PNPT1: variants seen among roughly 807,000 people sequenced by gnomAD.
The protein encoded by PNPT1 is polyribonucleotide nucleotidyltransferase 1, mitochondrial.
A neutral mutation model predicts 119.5 loss-of-function variants in PNPT1; 53 were observed. That is an observed-to-expected ratio of 0.44 (90% confidence interval 0.36 to 0.56). PNPT1 has a LOEUF of 0.56. PNPT1 is among the 20% of genes least tolerant of loss of function. The probability of loss-of-function intolerance (pLI) is 0.00; values close to 1 mark genes in which losing one functional copy is unlikely to be tolerated. For missense variants in PNPT1, 948 were observed against 938.5 expected, an observed-to-expected ratio of 1.01 and a Z score of -0.13; for synonymous variants, 357 against 322.1, an observed-to-expected ratio of 1.11 and a Z score of -1.16.
Position 55,635,289 on chromosome 2 carries a change from A to G in PNPT1, c.*948T>C, listed in dbSNP as rs895120691. The stretch of plus-strand genomic sequence containing the variant: ...TAGAGCAATACACATATTCAAATTG[A>G]CCTAGTTCAATTTGATAAGTAAACA... On this transcript the variant is annotated 3_prime_UTR_variant, in exon 28 of 28. Transcript: ENST00000447944. 6.6e-6 allele frequency: 1 copy of G among 150,388 alleles called. No homozygotes were observed. Among genetic ancestry groups the G allele is most frequent in the Non-Finnish European group, 1.5e-5 (1 of 67,874 alleles). The allele number at this position is 150,388 out of a possible 1,614,324, so 9.3% of individuals were successfully genotyped here.
At chr2:55,692,475 A>G (rs1053804216) in intron 1 of PNPT1, among the ~76,000 whole-genome samples, 8 of 152,192 alleles carry the variant, frequency 5.3e-5, no homozygotes, top group African/African-American at 1.7e-4. Flanking sequence ...TGAAGTTTGC[A>G]TTAGCAATTC....
intron 1 of PNPT1, among the ~76,000 whole-genome samples, chr2:55,688,867 T>C (rs1008463845): frequency 6.6e-6 from 1 of 152,144 alleles, no homozygotes; most frequent in African/African-American, 2.4e-5. Flanking sequence ...GAAAGAACAA[T>C]TTTCAATTCA....
intron 8 of PNPT1, among the ~76,000 whole-genome samples, chr2:55,677,467 G>A (rs761139939): frequency 2.6e-5 from 4 of 151,922 alleles, no homozygotes; most frequent in Non-Finnish European, 4.4e-5. Context: ...GGCGGTGCAC[G>A]CCTATAATCC....
Position 55,661,914 on chromosome 2 carries a change from A to G in PNPT1, c.1247+42T>C, listed in dbSNP as rs778095355. 1.1e-4 allele frequency: 163 copies of G among 1,471,834 alleles called. 2 individuals carry two copies. Among genetic ancestry groups the G allele is most frequent in the Non-Finnish European group, 8.2e-6 (9 of 1,098,622 alleles). 91.2% of individuals were successfully genotyped at this position (1,471,834 alleles called of 1,614,324 possible). Reference sequence around the variant, plus strand: ...CACATAAGCTTTAATTATATAATAGAACATCATAAAACGTAACAAACATCT... The same window carrying G: ...CACATAAGCTTTAATTATATAATAGGACATCATAAAACGTAACAAACATCT... On this transcript the variant is annotated intron_variant, in intron 14 of 27. Transcript: ENST00000447944.
intron 8 of PNPT1, 60 bp downstream of exon 8, chr2:55,679,622 T>G: frequency 7.9e-7 from 1 of 1,262,842 alleles, no homozygotes; most frequent in Non-Finnish European, 1.1e-6. Context: ...TAAATTCAGT[T>G]TAAGAAGCCA....
chr2:55,661,335 C>A (rs183309727), intron 14 of PNPT1, among the ~76,000 whole-genome samples: 39 of 152,170 alleles, frequency 2.6e-4, no homozygotes, highest in African/African-American at 9.1e-4. Context: ...TCAGGATCCA[C>A]CCACCTCGGC....
chr2:55,679,935 C>T, intron 7 of PNPT1, 140 bp from the exon 8 acceptor site: 1 of 617,638 alleles, frequency 1.6e-6, no homozygotes, highest in Non-Finnish European at 2.8e-6. Context: ...TTAAGACCCA[C>T]AGAACATCCT....
chr2:55,685,927 C>A (rs528197332), intron 3 of PNPT1, among the ~76,000 whole-genome samples: 33 of 152,008 alleles, frequency 2.2e-4, no homozygotes, highest in Non-Finnish European at 4.0e-4. Flanking sequence ...TACCGTATTG[C>A]GTAGGGAATG....
In PNPT1 at chr2:55,683,813, A is replaced by C; in HGVS notation, c.425T>G (p.Phe142Cys). The change falls in exon 5 of 28, where the codon TTT (phenylalanine) becomes TGT (cysteine). Residue 142 changes from phenylalanine to cysteine, a missense_variant. By Grantham distance (205) the Phe-to-Cys change is radical. Coordinates refer to ENST00000447944, the MANE Select transcript of PNPT1 (RefSeq NM_033109.5). ...RIIDRSIRPL[F>C]PAGYFYDTQV... ...TGTATCATAGAAGTAGCCAGCTGGA[A>C]AGAGCGGTCTAATTGAACGATCTGC... The C allele has an allele frequency of 6.2e-7, 1 of 1,613,834 alleles. No homozygotes were observed. Among genetic ancestry groups the C allele is most frequent in the Non-Finnish European group, 8.5e-7 (1 of 1,179,830 alleles).
intron 15 of PNPT1, among the ~76,000 whole-genome samples, chr2:55,657,919 G>A (rs13403782): frequency 0.26 from 26,084 of 100,042 alleles, 4,182 homozygotes; most frequent in East Asian, 0.59. Flanking sequence ...TAATGGAGGA[G>A]AAATGTATAG....
In PNPT1 at chr2:55,643,572, C is replaced by T; in HGVS notation, c.1907-147G>A. On this transcript the variant is annotated intron_variant, in intron 23 of 27. Coordinates refer to ENST00000447944, the MANE Select transcript of PNPT1 (RefSeq NM_033109.5). Reference sequence around the variant, plus strand: ...CCAGCCTGGGCAACATAGGGAGAGCCTGTTACTACAAAAAATAAATTCAAA... The same window carrying T: ...CCAGCCTGGGCAACATAGGGAGAGCTTGTTACTACAAAAAATAAATTCAAA... The T allele has an allele frequency of 4.5e-6, 3 of 659,482 alleles. No individual in the cohort carries two copies. In the South Asian group the frequency reaches 5.7e-5, roughly 12 times the overall value. The allele number at this position is 659,482 out of a possible 1,614,324, so 40.9% of individuals were successfully genotyped here. A position where few individuals can be genotyped will look rare whatever the true frequency, so the allele number is the denominator to read the frequency against.
Position 55,640,660 on chromosome 2 carries a change from T to C in PNPT1, c.2115A>G (p.Val705=). Residue 705 remains valine (V), a synonymous_variant, in exon 26 of 28, where the codon GTA becomes GTG. Coordinates refer to ENST00000447944, the MANE Select transcript of PNPT1 (RefSeq NM_033109.5). Reference sequence around the variant, plus strand: ...GATCAAGTTGTGTGTTATGAAGCAGTACCGCAGTCATATTTGGATATAATT... The same window carrying C: ...GATCAAGTTGTGTGTTATGAAGCAGCACCGCAGTCATATTTGGATATAATT... ...MVKLYPNMTA[V]LLHNTQLDQR... is the part of the protein sequence containing the mutation. 1 of 1,594,020 alleles carries C rather than the reference T, an allele frequency of 6.3e-7. No homozygotes were observed. Among genetic ancestry groups the C allele is most frequent in the Non-Finnish European group, 8.6e-7 (1 of 1,162,772 alleles).
intron 18 of PNPT1, 54 bp downstream of exon 18, chr2:55,654,846 C>A: frequency 1.3e-6 from 2 of 1,525,972 alleles, no homozygotes; most frequent in Non-Finnish European, 1.8e-6. Flanking sequence ...AAGGCTCATG[C>A]CTGGGATTAC....
intron 13 of PNPT1, among the ~76,000 whole-genome samples, chr2:55,664,793 C>G (rs1696684637): frequency 6.6e-6 from 1 of 152,032 alleles, no homozygotes; most frequent in Non-Finnish European, 1.5e-5. Context: ...ATTTTAAAAA[C>G]TTGACTAAAG....
chr2:55,677,037 T>A (rs1266311464), intron 8 of PNPT1, among the ~76,000 whole-genome samples: 29 of 152,348 alleles, frequency 1.9e-4, no homozygotes, highest in Non-Finnish European at 2.9e-5. Flanking sequence ...ATTTGATGCA[T>A]CTTTATGAAA....
At chr2:55,669,761 ACTT>A (rs150764722) in intron 11 of PNPT1, among the ~76,000 whole-genome samples, 17,549 of 147,064 alleles carry the variant, frequency 0.12, 1,362 homozygotes, top group East Asian at 0.25. Flanking sequence ...TGCTAACAGC[ACTT>A]TTTTTTTTTT....
intron 1 of PNPT1, among the ~76,000 whole-genome samples, 163 bp downstream of exon 1, chr2:55,693,500 G>C (rs1352342705): frequency 6.6e-6 from 1 of 152,192 alleles, no homozygotes; most frequent in Non-Finnish European, 1.5e-5. Context: ...GGTCCGAGGA[G>C]ACACATTCCA....
chr2:55,643,418 A>G lies in PNPT1; in HGVS notation c.1914T>C (p.Thr638=), dbSNP rs947502882. 16 of 1,613,732 alleles carry G rather than the reference A, an allele frequency of 9.9e-6. No individual in the cohort carries two copies. The highest frequency in any genetic ancestry group is 1.3e-5 in the African/African-American group (1 of 75,026). The change falls in exon 24 of 28, where the codon ACT becomes ACC. Residue 638 remains threonine, a synonymous_variant. Coordinates refer to ENST00000447944, the MANE Select transcript of PNPT1 (RefSeq NM_033109.5). ...ACGTTTCTTCATCCACCTGACTAAT[A>G]GTTACACCTTTTAAAAACAAAATGT... is the stretch of plus-strand genomic sequence containing the variant. ...LKKLQAETGV[T]ISQVDEETFS...
intron 5 of PNPT1, 44 bp downstream of exon 5, chr2:55,683,732 ATTAAGTAAT>A: frequency 1.4e-6 from 2 of 1,477,270 alleles, no homozygotes; most frequent in Non-Finnish European, 1.9e-6. Flanking sequence ...ACAGAGATTC[ATTAAGTAAT>A]TTTTGATTGA....
Sources: allele counts gnomAD v4.1 joint callset (sites outside exome capture counted in the v4.1 genomes callset), GRCh38; gene constraint gnomAD v4.1.1; transcripts MANE v1.5; gene names NCBI Gene and HGNC (gene_info 2026-07-23, HGNC 2026-07-21).